The following NUDCD3 variants were observed in gnomAD, a reference collection of about 807,000 sequenced individuals.
NUDCD3 encodes the protein nudC domain-containing protein 3.
A neutral mutation model predicts 39.7 loss-of-function variants in NUDCD3; 13 were observed. The observed-to-expected ratio is 0.33, with a 90% confidence interval of 0.21 to 0.52. The LOEUF (loss-of-function observed/expected upper bound fraction) is 0.52, where lower values mean the gene tolerates loss of function less well. NUDCD3 is among the 20% of genes least tolerant of loss of function. The pLI, the probability that NUDCD3 is intolerant of heterozygous loss-of-function variation, is 0.96. For missense variants in NUDCD3, 453 were observed against 458.1 expected (o/e 0.99, Z 0.10); for synonymous variants, 175 against 172.4 (o/e 1.02, Z -0.12).
At chr7:44,483,062 T>C (rs1800526326) in intron 2 of NUDCD3, among the ~76,000 whole-genome samples, 1 of 151,830 alleles carries the variant, frequency 6.6e-6, no homozygotes, top group African/African-American at 2.4e-5. Flanking sequence ...AAAACAGACC[T>C]CCTAAGTGTG....
intron 2 of NUDCD3, among the ~76,000 whole-genome samples, chr7:44,435,267 C>T (rs1342181754): frequency 1.3e-5 from 2 of 152,132 alleles, no homozygotes; most frequent in Non-Finnish European, 2.9e-5. Flanking sequence ...AGCCAGAGTT[C>T]CTGGAGATGT....
intron 2 of NUDCD3, among the ~76,000 whole-genome samples, chr7:44,451,193 C>A (rs1013823536): frequency 3.9e-5 from 6 of 152,132 alleles, no homozygotes; most frequent in East Asian, 1.9e-4. Context: ...CATGGATGAA[C>A]CTTGAAGGCA....
chr7:44,451,680 GACT>G (rs1799796475), intron 2 of NUDCD3, among the ~76,000 whole-genome samples: 1 of 152,154 alleles, frequency 6.6e-6, no homozygotes, highest in East Asian at 1.9e-4. Context: ...TGGGGGTGAT[GACT>G]GTTCATTAGC....
rs192788597 is a variant in NUDCD3 at position 44,485,302 on chromosome 7, T to C, written c.193-18A>G. On this transcript the variant is annotated intron_variant, in intron 1 of 5. Coordinates refer to ENST00000355451, the MANE Select transcript of NUDCD3 (RefSeq NM_015332.4). The stretch of plus-strand genomic sequence containing the variant: ...TTGAATACCTAAAATCAAACACCAA[T>C]CCAGCAATCAGTTCATCTGCCCAAT... The C allele has an allele frequency of 2.2e-4, 353 of 1,584,934 alleles. 3 individuals carry two copies. In the African/African-American group the frequency reaches 4.1e-3, roughly 18 times the overall value.
At chr7:44,463,428 GA>G (rs1800056513) in intron 2 of NUDCD3, among the ~76,000 whole-genome samples, 1 of 152,156 alleles carries the variant, frequency 6.6e-6, no homozygotes, top group African/African-American at 2.4e-5. Context: ...AATGTCTAGA[GA>G]CCAACTTTGG....
intron 1 of NUDCD3, 39 bp downstream of exon 1, chr7:44,490,370 G>GGGC: frequency 6.7e-7 from 1 of 1,486,254 alleles, no homozygotes; most frequent in African/African-American, 1.4e-5. Flanking sequence ...GGCAGGCCGG[G>GGGC]GGCGGCGGCT....
At chr7:44,386,303 C>T (rs757737602) in intron 5 of NUDCD3, among the ~76,000 whole-genome samples, 182 bp from the exon 6 acceptor site, 15 of 152,208 alleles carry the variant, frequency 9.9e-5, no homozygotes, top group Non-Finnish European at 2.1e-4. Flanking sequence ...AAGGGAGGTA[C>T]TGGGTGCCTG....
intron 3 of NUDCD3, among the ~76,000 whole-genome samples, chr7:44,419,629 G>A (rs1243169631): frequency 6.6e-6 from 1 of 152,300 alleles, no homozygotes; most frequent in East Asian, 1.9e-4. Flanking sequence ...GTGCCCCTCT[G>A]GGACGAAGCT....
At chr7:44,401,803 T>C (rs1798732098) in intron 4 of NUDCD3, among the ~76,000 whole-genome samples, 1 of 152,086 alleles carries the variant, frequency 6.6e-6, no homozygotes, top group Non-Finnish European at 1.5e-5. Flanking sequence ...AGGGCACAAA[T>C]GAAGCCTGGA....
intron 5 of NUDCD3, among the ~76,000 whole-genome samples, chr7:44,387,723 G>A (rs1339172448): frequency 6.6e-6 from 1 of 152,212 alleles, no homozygotes; most frequent in Non-Finnish European, 1.5e-5. Flanking sequence ...GCAAAGGGCA[G>A]ATTAGTAGAC....
chr7:44,490,404 C>T lies in NUDCD3; in HGVS notation c.192+5G>A. 5 of 1,546,386 alleles carry T rather than the reference C, an allele frequency of 3.2e-6. No homozygotes were observed. Among genetic ancestry groups the T allele is most frequent in the Non-Finnish European group, 4.4e-6 (5 of 1,147,296 alleles). On this transcript the variant is annotated splice_donor_5th_base_variant and intron_variant, in intron 1 of 5. Transcript: ENST00000355451. The stretch of plus-strand genomic sequence containing the variant: ...CTCCCCAGACCGCAGGCCCGCCCGC[C>T]TCACCTGCAGCACCAAGGCCTGCGC...
At position 44,380,399 on chromosome 7, in the gene NUDCD3, C is replaced by T. The variant is rs745935193; in HGVS notation, c.*5612G>A. On this transcript the variant is annotated 3_prime_UTR_variant, in exon 6 of 6. Transcript: ENST00000355451. ...CATGATGCCAAGCTTAGAAATGTCA[C>T]CCTGGAGTCACAAAATCCCTTCTTT... The T allele has an allele frequency of 2.0e-5, 3 of 152,280 alleles. No individual in the cohort carries two copies. Among genetic ancestry groups the T allele is most frequent in the Non-Finnish European group, 2.9e-5 (2 of 68,112 alleles). The allele number at this position is 152,280 out of a possible 1,614,324, so 9.4% of individuals were successfully genotyped here. A position where few individuals can be genotyped will look rare whatever the true frequency, so the allele number is the denominator to read the frequency against.
At chr7:44,450,643 TA>T (rs139441561) in intron 2 of NUDCD3, among the ~76,000 whole-genome samples, 22 of 147,210 alleles carry the variant, frequency 1.5e-4, no homozygotes, top group Admixed American at 2.0e-4. Context: ...AAATGTTAAT[TA>T]AAAAAAAAAA....
At chr7:44,398,476 C>T (rs150293699) in intron 4 of NUDCD3, among the ~76,000 whole-genome samples, 138 of 152,276 alleles carry the variant, frequency 9.1e-4, no homozygotes, top group African/African-American at 2.8e-3. Flanking sequence ...CCAGGTTCCT[C>T]TTTTATCTAC....
At chr7:44,404,926 A>G (rs953883613) in intron 3 of NUDCD3, among the ~76,000 whole-genome samples, 1 of 152,160 alleles carries the variant, frequency 6.6e-6, no homozygotes, top group Non-Finnish European at 1.5e-5. Flanking sequence ...GACAAGTGGT[A>G]TTTCTTCCTT....
chr7:44,441,667 C>G (rs920980628), intron 2 of NUDCD3, among the ~76,000 whole-genome samples: 1 of 152,186 alleles, frequency 6.6e-6, no homozygotes, highest in Non-Finnish European at 1.5e-5. Flanking sequence ...GCCCACACAT[C>G]AGAGCCGGCC....
rs1299057325 is a variant in NUDCD3 at position 44,404,550 on chromosome 7, C to T, written c.676G>A (p.Val226Met). ...SVALSSSSIR[V>M]AMLEENGERV... ...TCCCCATTTTCCTCCAGCATGGCCA[C>T]ACGAATGGAGCTGCTGCTAAGGGCC... Residue 226 changes from valine (V) to methionine (M), a missense_variant, in exon 4 of 6, where the codon GTG becomes ATG. Val to Met is a conservative substitution (Grantham distance 21, BLOSUM62 1). Transcript: ENST00000355451. The T allele has an allele frequency of 1.2e-6, 2 of 1,614,046 alleles. No individual in the cohort carries two copies. Among genetic ancestry groups the T allele is most frequent in the Admixed American group, 3.3e-5 (2 of 60,012 alleles).
intron 1 of NUDCD3, among the ~76,000 whole-genome samples, chr7:44,486,572 C>T (rs182082867): frequency 1.1e-3 from 164 of 152,046 alleles, no homozygotes; most frequent in African/African-American, 3.8e-3. Context: ...GAAACAACAC[C>T]AGAACCATTT....
chr7:44,469,968 A>C (rs996498460), intron 2 of NUDCD3, among the ~76,000 whole-genome samples: 1 of 152,208 alleles, frequency 6.6e-6, no homozygotes, highest in Non-Finnish European at 1.5e-5. Context: ...GACAATAACA[A>C]ATTGAACCCT....
Sources: allele counts gnomAD v4.1 joint callset (sites outside exome capture counted in the v4.1 genomes callset), GRCh38; gene constraint gnomAD v4.1.1; transcripts MANE v1.5; gene names NCBI Gene and HGNC (gene_info 2026-07-23, HGNC 2026-07-21).